TMPRSS2: variants seen among roughly 807,000 people sequenced by gnomAD.
The protein encoded by TMPRSS2 is transmembrane protease serine 2.
Under a neutral mutation model 67.4 loss-of-function variants are expected in TMPRSS2, and 59 were observed. The ratio of observed to expected loss-of-function variants is 0.88; its 90% CI spans 0.71 to 1.09. TMPRSS2 has a LOEUF of 1.09. TMPRSS2 is among the 50% of genes least tolerant of loss of function. The pLI, the probability that TMPRSS2 is intolerant of heterozygous loss-of-function variation, is 0.00. For missense variants in TMPRSS2, 668 were observed against 642.7 expected, an observed-to-expected ratio of 1.04 and a Z score of -0.43; for synonymous variants, 257 against 257.0, an observed-to-expected ratio of 1.00 and a Z score of 0.00.
rs137929897 is a variant in TMPRSS2 at position 41,506,953 on chromosome 21, C to T, written c.-57+1128G>A. Among the ~76,000 whole-genome samples the T allele has an allele frequency of 1.3e-3, 191 of 152,304 alleles. 1 individual carries two copies. The highest frequency in any genetic ancestry group is 3.7e-3 in the African/African-American group (153 of 41,586). On this transcript the variant is annotated intron_variant, in intron 1 of 13. Transcript: ENST00000332149. The stretch of plus-strand genomic sequence containing the variant: ...AGGGCTGCGCAGCCTCGAAGGCGAG[C>T]CCTGGGTGCTCCCTGCCCACAGGGC...
chr21:41,489,468 G>A (rs2091320336), intron 4 of TMPRSS2, 39 bp downstream of exon 4: 1 of 1,575,250 alleles, frequency 6.3e-7, no homozygotes, highest in Non-Finnish European at 8.7e-7. Flanking sequence ...ACTGGGGACT[G>A]CAGGAGCACA....
Position 41,494,486 on chromosome 21 carries a change from G to A in TMPRSS2, c.108C>T (p.Val36=), listed in dbSNP as rs751521660. The change falls in exon 3 of 14, where the codon GTC becomes GTT. Residue 36 remains valine, a synonymous_variant. Coordinates refer to ENST00000332149, the MANE Select transcript of TMPRSS2 (RefSeq NM_005656.4). ...AGTACTGAGCCGGATGCACCTCGTA[G>A]ACAGTGGGGACCACAGTGGGCTGTG... ...YPAQPTVVPT[V]YEVHPAQYYP... 5 of 1,614,118 alleles carry A rather than the reference G, an allele frequency of 3.1e-6. No homozygotes were observed. The highest frequency in any genetic ancestry group is 1.6e-4 in the Middle Eastern group (1 of 6,062).
At chr21:41,506,827 G>A (rs2091461234) in intron 1 of TMPRSS2, among the ~76,000 whole-genome samples, 1 of 152,204 alleles carries the variant, frequency 6.6e-6, no homozygotes, top group African/African-American at 2.4e-5. Flanking sequence ...CCATGATTCG[G>A]GAGGTTCTCG....
rs1443293585 is a variant in TMPRSS2 at position 41,478,040 on chromosome 21, C to A, written c.683+1132G>T. Among the ~76,000 whole-genome samples the A allele has an allele frequency of 6.6e-6, 1 of 152,206 alleles. No homozygotes were observed. The highest frequency in any genetic ancestry group is 2.1e-4 in the South Asian group (1 of 4,824). On this transcript the variant is annotated intron_variant, in intron 7 of 13. Transcript: ENST00000332149. This position sits in a 1 kb window ranked among gnomAD's most constrained non-coding sequence, Gnocchi z 4.0. ...GTCCCTGCCCGGCTGGACTTGGCTC[C>A]CTGATTCCGTGTGTAACCCAGAAAG...
Position 41,468,577 on chromosome 21 carries a change from T to C in TMPRSS2, c.1172-39A>G, listed in dbSNP as rs375874663. The C allele has an allele frequency of 1.9e-4, 299 of 1,610,170 alleles. 2 individuals are homozygous for C. The African/African-American group carries it at 3.6e-3, about 20-fold the overall frequency. ...GACTTGTTGAGCTCCCAGTGTTGCCTGCAGCTCTCGCAGGGAGAGCACACT... is the reference window on the plus strand; with the variant it reads ...GACTTGTTGAGCTCCCAGTGTTGCCCGCAGCTCTCGCAGGGAGAGCACACT... On this transcript the variant is annotated intron_variant, in intron 11 of 13. Coordinates refer to ENST00000332149, the MANE Select transcript of TMPRSS2 (RefSeq NM_005656.4).
chr21:41,480,105 T>G (rs1038443265), intron 6 of TMPRSS2, among the ~76,000 whole-genome samples: 1 of 152,186 alleles, frequency 6.6e-6, no homozygotes. Context: ...CCTCGCCAGC[T>G]GTTCTGGTCC....
At chr21:41,467,941 C>G in intron 12 of TMPRSS2, 55 bp from the exon 13 acceptor site, 1 of 1,605,500 alleles carries the variant, frequency 6.2e-7, no homozygotes, top group Non-Finnish European at 8.5e-7. Flanking sequence ...ATCTGCCGCA[C>G]ACCACTGACC....
In TMPRSS2 at chr21:41,465,930, C is replaced by G; in HGVS notation, c.*212G>C. 1 of 621,682 alleles carries G rather than the reference C, an allele frequency of 1.6e-6. No individual in the cohort carries two copies. The allele number at this position is 621,682 out of a possible 1,614,324, so 38.5% of individuals were successfully genotyped here. A position where few individuals can be genotyped will look rare whatever the true frequency, so the allele number is the denominator to read the frequency against. ...GCCCACAACCAGCCGGCCATCACCC[C>G]TTGCGGACAAGGGGTTAGGGAGAGC... On this transcript the variant is annotated 3_prime_UTR_variant, in exon 14 of 14. Coordinates refer to ENST00000332149, the MANE Select transcript of TMPRSS2 (RefSeq NM_005656.4).
intron 6 of TMPRSS2, 139 bp downstream of exon 6, chr21:41,480,337 T>G: frequency 7.2e-7 from 1 of 1,397,872 alleles, no homozygotes; most frequent in Non-Finnish European, 9.6e-7. Context: ...CACCTGCTGG[T>G]TATAGGGCTC....
At chr21:41,483,438 C>T (rs1248308021) in intron 5 of TMPRSS2, among the ~76,000 whole-genome samples, 1 of 152,048 alleles carries the variant, frequency 6.6e-6, no homozygotes, top group East Asian at 1.9e-4. Context: ...CATGCACCAC[C>T]ACGCCGGCTA....
chr21:41,468,320 A>G, intron 12 of TMPRSS2, 76 bp downstream of exon 12: 1 of 1,572,382 alleles, frequency 6.4e-7, no homozygotes. Context: ...TGCTGACCCC[A>G]AGAATGCCCT....
At chr21:41,484,855 T>C (rs1166338221) in intron 5 of TMPRSS2, among the ~76,000 whole-genome samples, 2 of 151,674 alleles carry the variant, frequency 1.3e-5, no homozygotes, top group Non-Finnish European at 2.9e-5. Context: ...AACTGTGCCA[T>C]GGTGGGAAAA....
intron 2 of TMPRSS2, 191 bp from the exon 3 acceptor site, chr21:41,494,769 A>G (rs2091367703): frequency 8.3e-6 from 6 of 725,606 alleles, no homozygotes; most frequent in Middle Eastern, 3.7e-4. Context: ...AAGTGACAAG[A>G]TATTAAAAAG....
At chr21:41,497,536 C>T (rs1291804687) in intron 2 of TMPRSS2, among the ~76,000 whole-genome samples, 4 of 152,088 alleles carry the variant, frequency 2.6e-5, no homozygotes, top group African/African-American at 7.2e-5. Context: ...ATATCAGTAA[C>T]AAATAAAGGG....
intron 5 of TMPRSS2, among the ~76,000 whole-genome samples, chr21:41,482,735 A>G (rs1421050219): frequency 1.3e-5 from 2 of 152,230 alleles, no homozygotes; most frequent in African/African-American, 4.8e-5. Context: ...ACATCTGGAC[A>G]ACGGAATATT....
At chr21:41,473,521 G>A in intron 8 of TMPRSS2, 25 bp from the exon 9 acceptor site, 5 of 1,593,900 alleles carry the variant, frequency 3.1e-6, no homozygotes, top group Non-Finnish European at 4.3e-6. Flanking sequence ...CAGGAGGCCA[G>A]TGGGGTGAGA....
At chr21:41,477,841 G>A (rs1022651208) in intron 7 of TMPRSS2, among the ~76,000 whole-genome samples, 1 of 151,850 alleles carries the variant, frequency 6.6e-6, no homozygotes, top group Admixed American at 6.6e-5. Flanking sequence ...GGCATCAAAG[G>A]GCAACTGCTG....
rs759896252 is a variant in TMPRSS2, at chr21:41,470,746, G to A, written c.1076-3C>T. 2.2e-5 allele frequency: 36 copies of A among 1,612,576 alleles called. No individual in the cohort carries two copies. The highest frequency in any genetic ancestry group is 2.7e-5 in the Non-Finnish European group (32 of 1,179,792). ...CAGACACACTGGTTTCACTAGGTCT[G>A]TTTCAAGAAGAGAAAACACAGTGAG... On this transcript the variant is annotated splice_region_variant and splice_polypyrimidine_tract_variant and intron_variant, in intron 10 of 13. Coordinates refer to ENST00000332149, the MANE Select transcript of TMPRSS2 (RefSeq NM_005656.4).
At chr21:41,506,096 C>A (rs916146816) in intron 1 of TMPRSS2, among the ~76,000 whole-genome samples, 3 of 152,218 alleles carry the variant, frequency 2.0e-5, no homozygotes, top group Non-Finnish European at 4.4e-5. Flanking sequence ...CAAATATACT[C>A]CTACAATTAA....
Sources: allele counts gnomAD v4.1 joint callset (sites outside exome capture counted in the v4.1 genomes callset), GRCh38; gene constraint gnomAD v4.1.1; non-coding constraint Gnocchi (gnomAD v3.1); transcripts MANE v1.5; gene names NCBI Gene and HGNC (gene_info 2026-07-23, HGNC 2026-07-21).